Variants in CTNNA2 observed in about 807,000 individuals in gnomAD.
The protein encoded by CTNNA2 is catenin alpha 2, also known as catenin alpha-2.
Under a neutral mutation model 101.0 loss-of-function variants are expected in CTNNA2, and 42 were observed. That is an observed-to-expected ratio of 0.42 (90% CI 0.32 to 0.54). CTNNA2 has a LOEUF of 0.54. Ranked by LOEUF, CTNNA2 falls within the 20% of genes least tolerant of loss-of-function variation. The pLI, the probability that CTNNA2 is intolerant of heterozygous loss-of-function variation, is 0.14. For missense variants in CTNNA2, 871 were observed against 1,223.1 expected, an observed-to-expected ratio of 0.71 and a Z score of 4.29; for synonymous variants, 450 against 456.4, an observed-to-expected ratio of 0.99 and a Z score of 0.18.
chr2:79,423,863 A>G (rs1678565730), intron 4 of CTNNA2, among the ~76,000 whole-genome samples: 1 of 152,154 alleles, frequency 6.6e-6, no homozygotes, highest in Non-Finnish European at 1.5e-5. Flanking sequence ...TTACAAAGAT[A>G]TCCTTTATTA....
chr2:80,162,478 T>A (rs1704387743), intron 7 of CTNNA2: 1 of 1,599,526 alleles, frequency 6.3e-7, no homozygotes, highest in Non-Finnish European at 8.5e-7. Flanking sequence ...ATTTTCCATC[T>A]CTGCTACTGT....
At chr2:79,523,709 A>G (rs554443486) in intron 1 of CTNNA2, among the ~76,000 whole-genome samples, 1 of 152,318 alleles carries the variant, frequency 6.6e-6, no homozygotes, top group South Asian at 2.1e-4. Flanking sequence ...TCCACCAACA[A>G]TATGAAAGTG....
chr2:79,338,752 A>G (rs1303924622), intron 3 of CTNNA2, among the ~76,000 whole-genome samples: 4 of 152,078 alleles, frequency 2.6e-5, no homozygotes, highest in Non-Finnish European at 5.9e-5. Flanking sequence ...AAGGATGGTC[A>G]TAATCTGGCC....
At chr2:80,146,371 A>G in intron 7 of CTNNA2, among the ~76,000 whole-genome samples, 1 of 152,182 alleles carries the variant, frequency 6.6e-6, no homozygotes, top group East Asian at 1.9e-4. Flanking sequence ...ATAGACAACA[A>G]AGACAGTTAC....
rs7589116 is a variant in CTNNA2, at chr2:80,170,304, A to C, written c.1057-222907A>C. Among the ~76,000 whole-genome samples the C allele has an allele frequency of 2.1e-3, 314 of 151,730 alleles. 2 individuals are homozygous for C. The highest frequency in any genetic ancestry group is 7.1e-3 in the African/African-American group (295 of 41,348). On this transcript the variant is annotated intron_variant, in intron 7 of 18. Coordinates refer to ENST00000402739, the MANE Select transcript of CTNNA2 (RefSeq NM_001282597.3). ...ATATCAAAGTGACAACTAGCCTACTATCAGGAGGCCAAGCACTTTGAGTTT... is the reference window on the plus strand; with the variant it reads ...ATATCAAAGTGACAACTAGCCTACTCTCAGGAGGCCAAGCACTTTGAGTTT...
chr2:79,505,221 C>T (rs1671385602), intron 5 of CTNNA2: 1 of 152,210 alleles, frequency 6.6e-6, no homozygotes, highest in Non-Finnish European at 1.5e-5. Context: ...ACCCTAGCAG[C>T]AGTAGATGTT....
At chr2:79,646,564 T>C (rs911879227) in intron 1 of CTNNA2, among the ~76,000 whole-genome samples, 1 of 148,660 alleles carries the variant, frequency 6.7e-6, no homozygotes, top group African/African-American at 2.5e-5. Flanking sequence ...GATCTCATTC[T>C]GTTGCTCAGG....
chr2:80,416,826 G>C (rs577572334), intron 8 of CTNNA2, among the ~76,000 whole-genome samples: 1 of 151,910 alleles, frequency 6.6e-6, no homozygotes, highest in South Asian at 2.1e-4. Context: ...ATTTTTATCA[G>C]ATTTTGTATG....
intron 2 of CTNNA2, among the ~76,000 whole-genome samples, chr2:79,205,782 T>C (rs1372636597): frequency 6.6e-6 from 1 of 152,222 alleles, no homozygotes; most frequent in Non-Finnish European, 1.5e-5. Flanking sequence ...TAAATATCTT[T>C]TTCCTGATAT....
chr2:79,478,134 T>C (rs1217432477), intron 4 of CTNNA2, among the ~76,000 whole-genome samples: 3 of 152,198 alleles, frequency 2.0e-5, no homozygotes, highest in Non-Finnish European at 2.9e-5. Flanking sequence ...TTCTATTCTC[T>C]TCCCAATTCT....
chr2:80,331,868 G>C (rs1671365235), intron 7 of CTNNA2, among the ~76,000 whole-genome samples: 1 of 151,970 alleles, frequency 6.6e-6, no homozygotes, highest in East Asian at 1.9e-4. Flanking sequence ...GTCTCGATCT[G>C]GGAAAAAATA....
At chr2:79,259,917 G>A (rs759910662) in intron 2 of CTNNA2, among the ~76,000 whole-genome samples, 1 of 152,268 alleles carries the variant, frequency 6.6e-6, no homozygotes, top group Admixed American at 6.5e-5. Flanking sequence ...TGGTCAGTTT[G>A]GGTGCAAGAA....
intron 9 of CTNNA2, among the ~76,000 whole-genome samples, chr2:80,544,460 A>G (rs1691862005): frequency 6.6e-6 from 1 of 152,142 alleles, no homozygotes; most frequent in African/African-American, 2.4e-5. Context: ...ATTGCTCATA[A>G]CAGCTGGCCT....
intron 2 of CTNNA2, among the ~76,000 whole-genome samples, chr2:79,737,312 A>G (rs1159271804): frequency 1.3e-5 from 2 of 148,814 alleles, no homozygotes; most frequent in African/African-American, 2.5e-5. Flanking sequence ...TTGTGCCACC[A>G]CTCTCCAGCC....
chr2:79,446,157 C>T (rs913902316), intron 4 of CTNNA2, among the ~76,000 whole-genome samples: 23 of 151,776 alleles, frequency 1.5e-4, no homozygotes, highest in Admixed American at 2.0e-4. Context: ...TCCCTGAGAT[C>T]GGAGAAAATG....
intron 1 of CTNNA2, among the ~76,000 whole-genome samples, chr2:79,615,412 A>G (rs1439555471): frequency 1.3e-5 from 2 of 152,190 alleles, no homozygotes; most frequent in Non-Finnish European, 2.9e-5. Flanking sequence ...ACAAATTAAG[A>G]GTTTATAATA....
At chr2:79,963,315 C>T (rs762634383) in intron 7 of CTNNA2, among the ~76,000 whole-genome samples, 6 of 152,144 alleles carry the variant, frequency 3.9e-5, no homozygotes, top group Non-Finnish European at 8.8e-5. Context: ...TACACACATT[C>T]TCATGTTATG....
rs374563367 is a variant in CTNNA2, at chr2:80,074,032, C to A, written c.1056+164235C>A. ...TTTGCTTCCAAACCTGTTTTGGATT[C>A]TTGGCTTTACTAAGCAACTGTTTAG... is the stretch of plus-strand genomic sequence containing the variant. On this transcript the variant is annotated intron_variant, in intron 7 of 18. Coordinates refer to ENST00000402739, the MANE Select transcript of CTNNA2 (RefSeq NM_001282597.3). 5.9e-5 allele frequency among the ~76,000 whole-genome samples: 9 copies of A among 152,176 alleles called. No homozygotes were observed. The South Asian group carries it at 1.2e-3, about 21-fold the overall frequency.
At chr2:79,947,532 T>G (rs1223319378) in intron 7 of CTNNA2, among the ~76,000 whole-genome samples, 2 of 152,134 alleles carry the variant, frequency 1.3e-5, no homozygotes, top group African/African-American at 4.8e-5. Flanking sequence ...AACCAAAAAA[T>G]ACCTAGGATT....
Sources: allele counts gnomAD v4.1 joint callset (sites outside exome capture counted in the v4.1 genomes callset), GRCh38; gene constraint gnomAD v4.1.1; transcripts MANE v1.5; gene names NCBI Gene and HGNC (gene_info 2026-07-23, HGNC 2026-07-21).